The following LCOR variants were observed in gnomAD, a reference collection of about 807,000 sequenced individuals.
LCOR encodes the protein ligand-dependent corepressor.
A neutral mutation model predicts 64.4 loss-of-function variants in LCOR; 14 were observed. The ratio of observed to expected loss-of-function variants is 0.22; its 90% confidence interval spans 0.14 to 0.34. The LOEUF is 0.34. Among genes scored for constraint, LCOR ranks in the 10% least tolerant of loss-of-function variants. The probability of loss-of-function intolerance (pLI) is 1.00; values close to 1 mark genes in which losing one functional copy is unlikely to be tolerated. For synonymous variants in LCOR, 643 were observed against 642.5 expected (o/e 1.00, Z -0.01); for missense variants, 1,686 against 1,765.3 (o/e 0.96, Z 0.80).
chr10:96,882,073 C>G (rs1846271672), intron 2 of LCOR, among the ~76,000 whole-genome samples: 1 of 152,040 alleles, frequency 6.6e-6, no homozygotes, highest in African/African-American at 2.4e-5. Context: ...TTATTGAGCT[C>G]TTTGAAGAGT....
At chr10:96,905,717 TTGAG>T (rs1194510137) in intron 2 of LCOR, among the ~76,000 whole-genome samples, 2 of 152,142 alleles carry the variant, frequency 1.3e-5, no homozygotes, top group African/African-American at 2.4e-5. Context: ...TCCCATTTGT[TTGAG>T]TGGGTAGTTT....
intron 4 of LCOR, among the ~76,000 whole-genome samples, chr10:96,932,833 G>C (rs1214432963): frequency 6.6e-6 from 1 of 152,166 alleles, no homozygotes; most frequent in Admixed American, 6.6e-5. Context: ...AACACTGCAA[G>C]TGGGAATACA....
intron 4 of LCOR, among the ~76,000 whole-genome samples, chr10:96,931,785 A>G (rs765234523): frequency 6.6e-6 from 1 of 152,260 alleles, no homozygotes; most frequent in Non-Finnish European, 1.5e-5. Context: ...AGGAAGTAAA[A>G]GAAAAATCCT....
intron 2 of LCOR, among the ~76,000 whole-genome samples, chr10:96,863,465 A>G (rs967387125): frequency 6.6e-6 from 1 of 151,962 alleles, no homozygotes; most frequent in Admixed American, 6.6e-5. Flanking sequence ...CGGCCTCCCA[A>G]AGTGCTGGGA....
Position 96,983,693 on chromosome 10 carries a change from A to G in LCOR, c.3233A>G (p.Glu1078Gly). 6.2e-7 allele frequency: 1 copy of G among 1,614,212 alleles called. No individual in the cohort carries two copies. Among genetic ancestry groups the G allele is most frequent in the Non-Finnish European group, 8.5e-7 (1 of 1,180,044 alleles). Reference protein sequence around the residue: ...PIMPKENGASESGDPLDEDDV... With the variant: ...PIMPKENGASGSGDPLDEDDV... ...ATGCCAAAGGAAAATGGAGCTTCAG[A>G]GAGTGGAGACCCCCTAGATGAGGAC... Residue 1078 changes from glutamate to glycine, a missense_variant, in exon 8 of 8, where the codon GAG becomes GGG. Around this residue, in one of 3 missense-constraint regions of LCOR, gnomAD observed 1,293 missense variants for 1,410.4 expected, o/e 0.92. Transcript: ENST00000421806. This position sits in a 1 kb window ranked among gnomAD's most constrained non-coding sequence, Gnocchi z 4.5.
intron 2 of LCOR, among the ~76,000 whole-genome samples, chr10:96,841,320 T>C: frequency 6.6e-6 from 1 of 151,946 alleles, no homozygotes; most frequent in East Asian, 1.9e-4. Context: ...CACCATCTTA[T>C]ATATCTGCAT....
intron 7 of LCOR, among the ~76,000 whole-genome samples, chr10:96,975,555 A>G (rs1176471182): frequency 6.6e-6 from 1 of 151,674 alleles, no homozygotes; most frequent in Non-Finnish European, 1.5e-5. Flanking sequence ...CCAGGAAGAA[A>G]ACTCAGGAAG....
At chr10:96,907,201 CA>C (rs1448604257) in intron 2 of LCOR, 63 bp from the exon 3 acceptor site, 1 of 505,860 alleles carries the variant, frequency 2.0e-6, no homozygotes, top group Non-Finnish European at 2.6e-6. Flanking sequence ...TTTTTTTATG[CA>C]AAGATTATTC....
intron 2 of LCOR, among the ~76,000 whole-genome samples, chr10:96,854,792 A>T (rs1006745523): frequency 6.6e-6 from 1 of 152,222 alleles, no homozygotes; most frequent in African/African-American, 2.4e-5. Flanking sequence ...TGGTGATGCG[A>T]ATCTAAGATT....
At position 96,949,000 on chromosome 10, in the gene LCOR, A is replaced by G. The variant is rs114052212; in HGVS notation, c.-50-8A>G. ...CCACTTTAAAAGTAAATAAATCTTT[A>G]TTTACAGACAGTCCCTGGGTCTCCG... On this transcript the variant is annotated splice_region_variant and splice_polypyrimidine_tract_variant and intron_variant, in intron 5 of 7. Transcript: ENST00000421806. 972 of 1,578,922 alleles carry G rather than the reference A, an allele frequency of 6.2e-4. 7 individuals are homozygous for G. In the African/African-American group the frequency reaches 0.012, roughly 20 times the overall value.
At chr10:96,915,477 C>T (rs1181860304) in intron 4 of LCOR, among the ~76,000 whole-genome samples, 3 of 152,180 alleles carry the variant, frequency 2.0e-5, no homozygotes, top group Non-Finnish European at 2.9e-5. Context: ...GCCGAGATTG[C>T]GCCACTGCAC....
intron 7 of LCOR, 149 bp from the exon 8 acceptor site, chr10:96,980,644 C>T (rs116729478): frequency 0.021 from 11,774 of 560,600 alleles, 978 homozygotes; most frequent in African/African-American, 0.19. Context: ...GCCAGGAGTT[C>T]GAGATCAGCC....
chr10:96,958,116 A>G lies in LCOR; in HGVS notation c.332+5920A>G, dbSNP rs2134538974. 6 of 1,153,426 alleles carry G rather than the reference A, an allele frequency of 5.2e-6. No individual in the cohort carries two copies. The South Asian group carries it at 1.9e-4, about 37-fold the overall frequency. 71.4% of individuals were successfully genotyped at this position (1,153,426 alleles called of 1,614,324 possible). ...TCAGCACACAATTAATTGCAGCCAT[A>G]GTACCTTTTTGCGTAATGTTTGGGA... On this transcript the variant is annotated intron_variant, in intron 7 of 7. Transcript: ENST00000421806.
At chr10:96,958,514 A>G in intron 7 of LCOR, 1 of 769,210 alleles carries the variant, frequency 1.3e-6, no homozygotes, top group East Asian at 2.7e-5. Context: ...TGAGAGTTGT[A>G]AATAGTGAAA....
intron 7 of LCOR, chr10:96,962,313 ATAGG>A (rs1222335432): frequency 2.6e-5 from 4 of 152,156 alleles, no homozygotes; most frequent in East Asian, 1.9e-4. Flanking sequence ...CACTAGGAAA[ATAGG>A]TAGGGATTCT....
At chr10:96,860,202 C>T (rs1845865042) in intron 2 of LCOR, among the ~76,000 whole-genome samples, 1 of 151,958 alleles carries the variant, frequency 6.6e-6, no homozygotes, top group Non-Finnish European at 1.5e-5. Flanking sequence ...ATTGTGTCCC[C>T]CAAAAAGATA....
In LCOR at chr10:96,994,769, A is replaced by G. The variant is rs1848229269; in HGVS notation, c.*9635A>G. The G allele has an allele frequency of 2.0e-5, 3 of 152,148 alleles. No individual in the cohort carries two copies. Among genetic ancestry groups the G allele is most frequent in the Non-Finnish European group, 4.4e-5 (3 of 68,028 alleles). 9.4% of individuals were successfully genotyped at this position (152,148 alleles called of 1,614,324 possible). On this transcript the variant is annotated 3_prime_UTR_variant, in exon 8 of 8. Transcript: ENST00000421806. Reference sequence around the variant, plus strand: ...CAAGTCTTATTACCTTGTATGAAAAATCCCCATATTAGCCTCACTTAATCT... The same window carrying G: ...CAAGTCTTATTACCTTGTATGAAAAGTCCCCATATTAGCCTCACTTAATCT...
At chr10:96,843,219 G>A (rs1845571442) in intron 2 of LCOR, among the ~76,000 whole-genome samples, 1 of 152,104 alleles carries the variant, frequency 6.6e-6, no homozygotes, top group Admixed American at 6.6e-5. Context: ...CAAACTCCTG[G>A]GGTCAAAGTG....
chr10:96,950,989 T>C (rs1353205824), intron 6 of LCOR, among the ~76,000 whole-genome samples: 1 of 152,106 alleles, frequency 6.6e-6, no homozygotes, highest in African/African-American at 2.4e-5. Context: ...CTTATGAGTG[T>C]GGGGTTTTTT....
Sources: allele counts gnomAD v4.1 joint callset (sites outside exome capture counted in the v4.1 genomes callset), GRCh38; gene constraint gnomAD v4.1.1; regional missense constraint gnomAD v4.1.1; non-coding constraint Gnocchi (gnomAD v3.1); transcripts MANE v1.5; gene names NCBI Gene and HGNC (gene_info 2026-07-23, HGNC 2026-07-21).